The following SIPA1L1 variants were observed in gnomAD, a reference collection of about 807,000 sequenced individuals.
SIPA1L1 encodes the protein signal-induced proliferation-associated 1-like protein 1.
In SIPA1L1, 26 loss-of-function variants were observed where a neutral mutation model predicts 162.7. The ratio of observed to expected loss-of-function variants is 0.16; its 90% CI spans 0.12 to 0.22. The LOEUF is 0.22. Among genes scored for constraint, SIPA1L1 ranks in the 10% least tolerant of loss-of-function variants. SIPA1L1 has a pLI of 1.00. For missense variants in SIPA1L1, 1,874 were observed against 2,241.0 expected (o/e 0.84, Z 3.31); for synonymous variants, 829 against 837.4 (o/e 0.99, Z 0.17).
chr14:71,671,737 A>G lies in SIPA1L1; in HGVS notation c.2829+45A>G, dbSNP rs544803528. 89 of 1,452,372 alleles carry G rather than the reference A, an allele frequency of 6.1e-5. No homozygotes were observed. In the East Asian group the frequency reaches 7.3e-4, roughly 12 times the overall value. 90.0% of individuals were successfully genotyped at this position (1,452,372 alleles called of 1,614,324 possible). On this transcript the variant is annotated intron_variant, in intron 11 of 23. Transcript: ENST00000381232. The stretch of plus-strand genomic sequence containing the variant: ...TCCTTACATGCAGTTTCTCTTTCAT[A>G]AAGTTTTCAATACAGACTAGAGCCA...
chr14:71,692,421 A>G (rs957690708), intron 13 of SIPA1L1, among the ~76,000 whole-genome samples: 1 of 152,190 alleles, frequency 6.6e-6, no homozygotes, highest in African/African-American at 2.4e-5. Context: ...CTGGTGGTGT[A>G]TTTGTCAGCC....
At chr14:71,615,527 A>G (rs1403110343) in intron 5 of SIPA1L1, among the ~76,000 whole-genome samples, 1 of 152,192 alleles carries the variant, frequency 6.6e-6, no homozygotes, top group Non-Finnish European at 1.5e-5. Flanking sequence ...GATGGATTTG[A>G]GAGATGTCCA....
At chr14:71,628,926 G>A (rs1012375343) in intron 7 of SIPA1L1, among the ~76,000 whole-genome samples, 8 of 152,102 alleles carry the variant, frequency 5.3e-5, no homozygotes, top group Admixed American at 2.0e-4. Context: ...CACATGTAAG[G>A]GAGTAATAAA....
chr14:71,726,397 T>G (rs1453142454), intron 19 of SIPA1L1, among the ~76,000 whole-genome samples: 1 of 152,232 alleles, frequency 6.6e-6, no homozygotes, highest in East Asian at 1.9e-4. Flanking sequence ...TTTCAGATTT[T>G]TCCTTTGAGG....
At chr14:71,715,373 CACATGGTG>C (rs2083191655) in intron 17 of SIPA1L1, among the ~76,000 whole-genome samples, 1 of 152,176 alleles carries the variant, frequency 6.6e-6, no homozygotes, top group Non-Finnish European at 1.5e-5. Context: ...CAGATACAAG[CACATGGTG>C]ACAAATGAAG....
In SIPA1L1 at chr14:71,544,101, A is replaced by G. The variant is rs543864580; in HGVS notation, c.-303+14731A>G. ...CACATGTATGTATATACACACGCAC[A>G]TGTATGTATATACACATATATGCAC... On this transcript the variant is annotated intron_variant, in intron 4 of 23. Coordinates refer to ENST00000381232, the MANE Select transcript of SIPA1L1 (RefSeq NM_001386936.1). Among the ~76,000 whole-genome samples, 319 of 143,870 alleles carry G rather than the reference A, an allele frequency of 2.2e-3. 5 individuals carry two copies. Among genetic ancestry groups the G allele is most frequent in the Middle Eastern group, 3.5e-3 (1 of 284 alleles). The allele number at this position is 143,870 out of a possible 152,430, so 94.4% of individuals were successfully genotyped here. A position where few individuals can be genotyped will look rare whatever the true frequency, so the allele number is the denominator to read the frequency against.
At chr14:71,434,916 A>G (rs2044260700) in intron 2 of SIPA1L1, among the ~76,000 whole-genome samples, 1 of 152,210 alleles carries the variant, frequency 6.6e-6, no homozygotes, top group African/African-American at 2.4e-5. Flanking sequence ...TTTTACACAA[A>G]TGGTAGCATA....
intron 17 of SIPA1L1, among the ~76,000 whole-genome samples, chr14:71,716,382 C>CA (rs759776683): frequency 2.0e-5 from 3 of 152,196 alleles, no homozygotes; most frequent in Non-Finnish European, 4.4e-5. Context: ...CAGATTTTGC[C>CA]ACAGCCATTT....
At chr14:71,363,436 C>G (rs2037994017) in intron 2 of SIPA1L1, among the ~76,000 whole-genome samples, 1 of 152,104 alleles carries the variant, frequency 6.6e-6, no homozygotes, top group African/African-American at 2.4e-5. Context: ...AAAAATTGTG[C>G]TGAGTTGAGA....
chr14:71,577,911 T>G (rs2033344771), intron 4 of SIPA1L1, among the ~76,000 whole-genome samples: 1 of 151,940 alleles, frequency 6.6e-6, no homozygotes, highest in African/African-American at 2.4e-5. Flanking sequence ...TTTTTTATTT[T>G]TTATTTTTTC....
chr14:71,492,608 T>A (rs1341019470), intron 2 of SIPA1L1, among the ~76,000 whole-genome samples: 1 of 152,060 alleles, frequency 6.6e-6, no homozygotes, highest in African/African-American at 2.4e-5. Flanking sequence ...GTGCGGTAGC[T>A]CTTTAGTGGT....
rs756358640 is a variant in SIPA1L1, at chr14:71,671,701, C to G, written c.2829+9C>G. On this transcript the variant is annotated intron_variant, in intron 11 of 23. Coordinates refer to ENST00000381232, the MANE Select transcript of SIPA1L1 (RefSeq NM_001386936.1). ...TTGTCAAAAGGTTGCAGGTGAGTCT[C>G]TCCTTCCTCTTCCTTACATGCAGTT... is the stretch of plus-strand genomic sequence containing the variant. 3.0e-5 allele frequency: 47 copies of G among 1,562,956 alleles called. No homozygotes were observed. Among genetic ancestry groups the G allele is most frequent in the South Asian group, 1.6e-4 (13 of 82,568 alleles).
At chr14:71,671,795 C>T (rs973102975) in intron 11 of SIPA1L1, 103 bp downstream of exon 11, 6 of 793,044 alleles carry the variant, frequency 7.6e-6, no homozygotes, top group Non-Finnish European at 1.2e-5. Context: ...TTATTAGCTC[C>T]TCTGAAAACT....
At chr14:71,439,872 A>T (rs1461642184) in intron 2 of SIPA1L1, among the ~76,000 whole-genome samples, 1 of 152,236 alleles carries the variant, frequency 6.6e-6, no homozygotes, top group East Asian at 1.9e-4. Context: ...CAGAACAACC[A>T]TGAGATGTTG....
At chr14:71,443,027 T>G (rs1181745912) in intron 2 of SIPA1L1, among the ~76,000 whole-genome samples, 1 of 152,236 alleles carries the variant, frequency 6.6e-6, no homozygotes, top group Non-Finnish European at 1.5e-5. Context: ...GTATGGCATG[T>G]TGCACATTGA....
chr14:71,566,991 T>C (rs1240229567), intron 4 of SIPA1L1, among the ~76,000 whole-genome samples: 1 of 152,102 alleles, frequency 6.6e-6, no homozygotes, highest in African/African-American at 2.4e-5. Context: ...AAAAGACCTA[T>C]TAGAAAAATG....
At chr14:71,595,373 C>G (rs777477975) in intron 5 of SIPA1L1, among the ~76,000 whole-genome samples, 15 of 152,170 alleles carry the variant, frequency 9.9e-5, no homozygotes, top group Admixed American at 4.6e-4. Flanking sequence ...TACCAAATGC[C>G]TGCCTTTCTG....
chr14:71,340,848 A>T (rs558971489), intron 2 of SIPA1L1, among the ~76,000 whole-genome samples: 1 of 152,186 alleles, frequency 6.6e-6, no homozygotes, highest in Non-Finnish European at 1.5e-5. Context: ...CTGAGGCAGG[A>T]GACTTGCTTG....
At chr14:71,355,932 G>A (rs1336725770) in intron 2 of SIPA1L1, among the ~76,000 whole-genome samples, 1 of 152,226 alleles carries the variant, frequency 6.6e-6, no homozygotes, top group Non-Finnish European at 1.5e-5. Context: ...TAAGCAGCAA[G>A]TGATTTATTA....
Sources: allele counts gnomAD v4.1 joint callset (sites outside exome capture counted in the v4.1 genomes callset), GRCh38; gene constraint gnomAD v4.1.1; transcripts MANE v1.5; gene names NCBI Gene and HGNC (gene_info 2026-07-23, HGNC 2026-07-21).